The following IQGAP2 variants were observed in gnomAD, a reference collection of about 807,000 sequenced individuals.
IQGAP2 encodes ras GTPase-activating-like protein IQGAP2.
A neutral mutation model predicts 201.3 loss-of-function variants in IQGAP2; 173 were observed. The observed-to-expected ratio is 0.86, with a 90% CI of 0.76 to 0.98. The LOEUF (loss-of-function observed/expected upper bound fraction) is 0.98. Ranked by LOEUF, IQGAP2 falls within the 50% of genes least tolerant of loss-of-function variation. IQGAP2 has a pLI of 0.00. For missense variants in IQGAP2, 1,687 were observed against 1,864.8 expected, an observed-to-expected ratio of 0.90 and a Z score of 1.76; for synonymous variants, 675 against 673.9, an observed-to-expected ratio of 1.00 and a Z score of -0.03.
At chr5:76,472,433 A>C (rs371560627) in intron 2 of IQGAP2, among the ~76,000 whole-genome samples, 1 of 152,224 alleles carries the variant, frequency 6.6e-6, no homozygotes, top group East Asian at 1.9e-4. Flanking sequence ...TGGAGCTAGA[A>C]TGGAAGGAAC....
intron 1 of IQGAP2, among the ~76,000 whole-genome samples, chr5:76,432,619 A>C (rs1257001295): frequency 6.6e-6 from 1 of 152,242 alleles, no homozygotes; most frequent in African/African-American, 2.4e-5. Context: ...TATGTTATTT[A>C]AATTAGTGTC....
chr5:76,539,797 A>C (rs776616694), intron 2 of IQGAP2, among the ~76,000 whole-genome samples: 1 of 152,162 alleles, frequency 6.6e-6, no homozygotes, highest in Non-Finnish European at 1.5e-5. Flanking sequence ...TGTTGTGCTC[A>C]GCTTTGGCCT....
At chr5:76,615,142 T>C (rs1177575675) in intron 13 of IQGAP2, among the ~76,000 whole-genome samples, 1 of 152,240 alleles carries the variant, frequency 6.6e-6, no homozygotes, top group Non-Finnish European at 1.5e-5. Context: ...TATTTTACAA[T>C]TGAAGGTTTT....
intron 21 of IQGAP2, among the ~76,000 whole-genome samples, chr5:76,661,580 A>G (rs933094502): frequency 5.3e-5 from 8 of 152,190 alleles, no homozygotes; most frequent in South Asian, 2.1e-4. Context: ...CACTGCTTAT[A>G]TTAACATGTG....
At chr5:76,578,775 A>G (rs1290762307) in intron 5 of IQGAP2, among the ~76,000 whole-genome samples, 5 of 152,114 alleles carry the variant, frequency 3.3e-5, no homozygotes, top group African/African-American at 1.2e-4. Flanking sequence ...CTATTTTGAT[A>G]TCTTTGAACT....
At chr5:76,497,040 G>C (rs1479090382) in intron 2 of IQGAP2, among the ~76,000 whole-genome samples, 1 of 152,016 alleles carries the variant, frequency 6.6e-6, no homozygotes, top group African/African-American at 2.4e-5. Flanking sequence ...GTGTTGGTCA[G>C]GCTGGTCTTG....
chr5:76,586,120 G>A (rs373441287), intron 5 of IQGAP2, among the ~76,000 whole-genome samples: 1 of 152,148 alleles, frequency 6.6e-6, no homozygotes, highest in African/African-American at 2.4e-5. Context: ...TGGTAGTAAA[G>A]TCTTCAGAGG....
intron 13 of IQGAP2, chr5:76,618,606 G>A (rs1749264046): frequency 6.2e-7 from 1 of 1,613,534 alleles, no homozygotes; most frequent in Admixed American, 1.7e-5. Flanking sequence ...AATGGGTAAG[G>A]TTGGCTTTGC....
intron 24 of IQGAP2, among the ~76,000 whole-genome samples, chr5:76,673,001 C>T (rs531259890): frequency 1.3e-4 from 19 of 151,700 alleles, no homozygotes; most frequent in Admixed American, 1.2e-3. Flanking sequence ...CACATGTATA[C>T]ATATGTAACT....
At position 76,626,270 on chromosome 5, in the gene IQGAP2, C is replaced by CTTTTTT. The variant is rs34251090; in HGVS notation, c.1522-1126_1522-1121dup. Among the ~76,000 whole-genome samples, 280 of 83,654 alleles carry CTTTTTT rather than the reference C, an allele frequency of 3.3e-3. 13 individuals are homozygous for CTTTTTT. Among genetic ancestry groups the CTTTTTT allele is most frequent in the East Asian group, 3.8e-3 (10 of 2,662 alleles). 54.9% of individuals were successfully genotyped at this position (83,654 alleles called of 152,430 possible). ...TTCTTTTTCTTTTTTTTCTTCTTTT[C>CTTTTTT]TTTTTTTTTTTTTTTTTTTGTGAGA... On this transcript the variant is annotated intron_variant, in intron 13 of 35. Coordinates refer to ENST00000274364, the MANE Select transcript of IQGAP2 (RefSeq NM_006633.5).
intron 10 of IQGAP2, among the ~76,000 whole-genome samples, chr5:76,599,169 G>T (rs1580559710): frequency 6.6e-6 from 1 of 151,948 alleles, no homozygotes; most frequent in Non-Finnish European, 1.5e-5. Context: ...ATCACTTGAG[G>T]CCAGGAGTTC....
At chr5:76,634,117 T>G (rs1435045433) in intron 15 of IQGAP2, among the ~76,000 whole-genome samples, 1 of 152,196 alleles carries the variant, frequency 6.6e-6, no homozygotes, top group Non-Finnish European at 1.5e-5. Context: ...TTTCTTGTGC[T>G]GCCATCCGCC....
At chr5:76,684,033 T>C (rs1224968237) in intron 30 of IQGAP2, 116 bp downstream of exon 30, 1 of 873,082 alleles carries the variant, frequency 1.1e-6, no homozygotes, top group Non-Finnish European at 1.7e-6. Flanking sequence ...TTGAAATCTA[T>C]TATGTATATC....
At chr5:76,409,088 C>G (rs1750959761) in intron 1 of IQGAP2, among the ~76,000 whole-genome samples, 1 of 150,602 alleles carries the variant, frequency 6.6e-6, no homozygotes, top group Non-Finnish European at 1.5e-5. Context: ...CCACCACGCC[C>G]AGTGAGACCC....
At position 76,683,935 on chromosome 5, in the gene IQGAP2, AG is replaced by A. The variant is rs1580813500; in HGVS notation, c.3905+21del. On this transcript the variant is annotated intron_variant, in intron 30 of 35. Transcript: ENST00000274364. ...ATGATAAAGTAAGTTTGGGGGTTAA[AG>A]GGCACATGTCTCCAAATACACATCT... The A allele has an allele frequency of 1.9e-6, 3 of 1,599,898 alleles. No individual in the cohort carries two copies. Among genetic ancestry groups the A allele is most frequent in the Non-Finnish European group, 2.6e-6 (3 of 1,171,818 alleles).
chr5:76,550,357 T>G (rs1377946443), intron 2 of IQGAP2, among the ~76,000 whole-genome samples: 3 of 151,700 alleles, frequency 2.0e-5, no homozygotes. Flanking sequence ...TTTTTTTTTT[T>G]TTTTTTTCAG....
chr5:76,422,643 C>T lies in IQGAP2; in HGVS notation c.46+19052C>T, dbSNP rs192659681. 7.2e-5 allele frequency among the ~76,000 whole-genome samples: 11 copies of T among 152,218 alleles called. No homozygotes were observed. In the East Asian group the frequency reaches 1.7e-3, roughly 24 times the overall value. ...AGTGGAAAAATCCTGATCTTAACCC[C>T]GAGTCTCTGGTCTGTCTCTGGCTCC... On this transcript the variant is annotated intron_variant, in intron 1 of 35. Transcript: ENST00000274364.
intron 3 of IQGAP2, among the ~76,000 whole-genome samples, chr5:76,562,931 A>G (rs1744485972): frequency 6.6e-6 from 1 of 152,230 alleles, no homozygotes; most frequent in Non-Finnish European, 1.5e-5. Flanking sequence ...GGAAGGTCGA[A>G]TGATCAGCCA....
chr5:76,609,126 A>C lies in IQGAP2; in HGVS notation c.1358-1894A>C. The C allele has an allele frequency of 2.6e-6, 4 of 1,535,920 alleles. No homozygotes were observed. In the South Asian group the frequency reaches 4.8e-5, roughly 18 times the overall value. On this transcript the variant is annotated intron_variant, in intron 12 of 35. Transcript: ENST00000274364. ...TTGTATTCTTAGAAACGCAGCAGAC[A>C]GCAACTTTAGCAGGTGATTTCAATC... is the stretch of plus-strand genomic sequence containing the variant.
Sources: allele counts gnomAD v4.1 joint callset (sites outside exome capture counted in the v4.1 genomes callset), GRCh38; gene constraint gnomAD v4.1.1; transcripts MANE v1.5; gene names NCBI Gene and HGNC (gene_info 2026-07-23, HGNC 2026-07-21).